Variants in MAML2 observed in about 807,000 individuals in gnomAD.
The protein encoded by MAML2 is mastermind-like protein 2.
MAML2 carries 22 observed loss-of-function variants against 96.1 expected under a neutral mutation model. The observed-to-expected ratio is 0.23, with a 90% CI of 0.16 to 0.33. The LOEUF (loss-of-function observed/expected upper bound fraction) is 0.33, where lower values mean the gene tolerates loss of function less well. MAML2 is among the 10% of genes least tolerant of loss of function. The pLI, the probability that MAML2 is intolerant of heterozygous loss-of-function variation, is 1.00. For missense variants in MAML2, 1,367 were observed against 1,392.4 expected, an observed-to-expected ratio of 0.98 and a Z score of 0.29; for synonymous variants, 561 against 521.3, an observed-to-expected ratio of 1.08 and a Z score of -1.04.
intron 1 of MAML2, among the ~76,000 whole-genome samples, chr11:96,172,083 G>A (rs1329302340): frequency 6.6e-6 from 1 of 152,196 alleles, no homozygotes; most frequent in Admixed American, 6.5e-5. Context: ...AGTATATTCT[G>A]ATAAATATGG....
chr11:96,260,664 ATT>A (rs1862736929), intron 1 of MAML2, among the ~76,000 whole-genome samples: 1 of 152,102 alleles, frequency 6.6e-6, no homozygotes, highest in African/African-American at 2.4e-5. Context: ...CAGTGATATT[ATT>A]TGAGTCACTA....
intron 1 of MAML2, among the ~76,000 whole-genome samples, chr11:96,133,536 G>C (rs10765792): frequency 0.11 from 16,257 of 151,622 alleles, 1,277 homozygotes; most frequent in East Asian, 0.28. Flanking sequence ...GCCTTCTCTT[G>C]GTCAATCGAC....
At chr11:96,225,972 A>T (rs2135950603) in intron 1 of MAML2, among the ~76,000 whole-genome samples, 1 of 152,360 alleles carries the variant, frequency 6.6e-6, no homozygotes, top group Non-Finnish European at 1.5e-5. Context: ...CAAAAATTGT[A>T]ATCTGGAACC....
chr11:96,326,358 CGTGTGTGT>C (rs35138919), intron 1 of MAML2, among the ~76,000 whole-genome samples: 10 of 147,634 alleles, frequency 6.8e-5, no homozygotes, highest in East Asian at 2.0e-4. Flanking sequence ...CACACTAAAG[CGTGTGTGT>C]GTGTGTGTGT....
At chr11:96,191,625 A>T (rs1245594856) in intron 1 of MAML2, among the ~76,000 whole-genome samples, 1 of 151,796 alleles carries the variant, frequency 6.6e-6, no homozygotes, top group Non-Finnish European at 1.5e-5. Context: ...ATAAAAAATT[A>T]GCCGGGCATG....
At chr11:96,224,637 A>G (rs1422428779) in intron 1 of MAML2, among the ~76,000 whole-genome samples, 1 of 152,194 alleles carries the variant, frequency 6.6e-6, no homozygotes, top group Non-Finnish European at 1.5e-5. Flanking sequence ...AGTTTTGTGT[A>G]TGTGTCCATC....
intron 1 of MAML2, among the ~76,000 whole-genome samples, chr11:96,217,593 T>C (rs1862069325): frequency 6.6e-6 from 1 of 152,218 alleles, no homozygotes; most frequent in Non-Finnish European, 1.5e-5. Context: ...TTCTCTCTTT[T>C]TGACAGTAGA....
intron 1 of MAML2, among the ~76,000 whole-genome samples, chr11:96,136,931 T>C (rs1331225351): frequency 6.6e-6 from 1 of 152,214 alleles, no homozygotes; most frequent in Non-Finnish European, 1.5e-5. Flanking sequence ...TTATAATTTC[T>C]GGGGATGCCC....
chr11:96,178,172 A>C (rs12288584), intron 1 of MAML2, among the ~76,000 whole-genome samples: 2,598 of 151,758 alleles, frequency 0.017, 72 homozygotes, highest in African/African-American at 0.059. Context: ...AAAAGTGATT[A>C]GAAAAACAAT....
intron 1 of MAML2, among the ~76,000 whole-genome samples, chr11:96,201,294 G>A (rs191051024): frequency 6.6e-6 from 1 of 152,250 alleles, no homozygotes; most frequent in Admixed American, 6.5e-5. Flanking sequence ...AGTAAGGGGA[G>A]GAGGAAAGGG....
chr11:96,274,999 G>C (rs1159595214), intron 1 of MAML2, among the ~76,000 whole-genome samples: 2 of 151,864 alleles, frequency 1.3e-5, no homozygotes, highest in Non-Finnish European at 2.9e-5. Flanking sequence ...ATTTATTGTT[G>C]CACTAATTCC....
At chr11:96,146,124 G>A (rs922837893) in intron 1 of MAML2, among the ~76,000 whole-genome samples, 8 of 152,222 alleles carry the variant, frequency 5.3e-5, no homozygotes, top group African/African-American at 1.9e-4. Flanking sequence ...CACAAAGTGA[G>A]GGAAAAGGTT....
At chr11:96,335,612 T>C (rs894822952) in intron 1 of MAML2, among the ~76,000 whole-genome samples, 5 of 152,228 alleles carry the variant, frequency 3.3e-5, no homozygotes, top group Non-Finnish European at 7.3e-5. Context: ...TACAGAGCAC[T>C]TAGGCAATGC....
Position 96,093,033 on chromosome 11 carries a change from G to A in MAML2, c.998C>T (p.Thr333Ile), listed in dbSNP as rs1429824720. 1.2e-6 allele frequency: 2 copies of A among 1,613,912 alleles called. No individual in the cohort carries two copies. The highest frequency in any genetic ancestry group is 1.3e-5 in the African/African-American group (1 of 74,938). ...GTTAAATGGGTCATCCTGCTTTATGGTGGCATTGATCATGTTCTCCAGTTC... is the reference window on the plus strand; with the variant it reads ...GTTAAATGGGTCATCCTGCTTTATGATGGCATTGATCATGTTCTCCAGTTC... ...DLELENMINATIKQDDPFNID... is the reference protein window; with the variant it reads ...DLELENMINAIIKQDDPFNID... Residue 333 changes from threonine to isoleucine, a missense_variant, in exon 2 of 5, where the codon ACC (threonine) becomes ATC (isoleucine). Transcript: ENST00000524717.
At chr11:96,076,999 T>C (rs141977083) in intron 2 of MAML2, among the ~76,000 whole-genome samples, 49 of 152,084 alleles carry the variant, frequency 3.2e-4, no homozygotes, top group African/African-American at 1.1e-3. Flanking sequence ...CCCCACAAAA[T>C]TGAATGAAAT....
At chr11:96,327,537 C>G (rs1863801541) in intron 1 of MAML2, among the ~76,000 whole-genome samples, 1 of 151,954 alleles carries the variant, frequency 6.6e-6, no homozygotes, top group Non-Finnish European at 1.5e-5. Flanking sequence ...AAGTGAGTCC[C>G]CTGCCTCAAC....
intron 3 of MAML2, among the ~76,000 whole-genome samples, chr11:95,990,740 A>G (rs1293207352): frequency 6.6e-6 from 1 of 152,058 alleles, no homozygotes; most frequent in Non-Finnish European, 1.5e-5. Context: ...ATATAAAATT[A>G]TTTGATTTTG....
In MAML2 at chr11:96,342,528, G is replaced by A; in HGVS notation, c.-633C>T. The A allele has an allele frequency of 2.5e-6, 1 of 398,066 alleles. No individual in the cohort carries two copies. Among genetic ancestry groups the A allele is most frequent in the Non-Finnish European group, 4.4e-6 (1 of 225,884 alleles). The allele number at this position is 398,066 out of a possible 1,614,324, so 24.7% of individuals were successfully genotyped here. On this transcript the variant is annotated 5_prime_UTR_variant, in exon 1 of 5. Coordinates refer to ENST00000524717, the MANE Select transcript of MAML2 (RefSeq NM_032427.4). ...TGTTCAAAATGTGCAAAAATCAAGG[G>A]AGACTGTCTTTTGGCTTTTAATTTT... is the stretch of plus-strand genomic sequence containing the variant.
At chr11:96,211,732 G>A (rs904231249) in intron 1 of MAML2, among the ~76,000 whole-genome samples, 3 of 152,136 alleles carry the variant, frequency 2.0e-5, no homozygotes, top group Non-Finnish European at 4.4e-5. Context: ...AAAGGGGTTG[G>A]AGCTCTAATC....
Sources: allele counts gnomAD v4.1 joint callset (sites outside exome capture counted in the v4.1 genomes callset), GRCh38; gene constraint gnomAD v4.1.1; transcripts MANE v1.5; gene names NCBI Gene and HGNC (gene_info 2026-07-23, HGNC 2026-07-21).